Variants in NUBPL observed in about 807,000 individuals in gnomAD.
The protein encoded by NUBPL is iron-sulfur cluster transfer protein NUBPL.
Under a neutral mutation model 45.7 loss-of-function variants are expected in NUBPL, and 31 were observed. The observed-to-expected ratio is 0.68, with a 90% CI of 0.51 to 0.92. The LOEUF (loss-of-function observed/expected upper bound fraction) is 0.92. NUBPL is among the 40% of genes least tolerant of loss of function. NUBPL has a pLI of 0.00. For synonymous variants in NUBPL, 144 were observed against 140.9 expected (o/e 1.02, Z -0.15); for missense variants, 401 against 398.7 (o/e 1.01, Z -0.05).
At chr14:31,744,873 G>C (rs566985246) in intron 6 of NUBPL, among the ~76,000 whole-genome samples, 2 of 151,772 alleles carry the variant, frequency 1.3e-5, no homozygotes, top group African/African-American at 4.8e-5. Context: ...ATCCACCTCA[G>C]CCTCCCAAAA....
chr14:31,661,666 G>C (rs979132449), intron 4 of NUBPL, among the ~76,000 whole-genome samples: 10 of 152,048 alleles, frequency 6.6e-5, no homozygotes, highest in African/African-American at 2.4e-4. Flanking sequence ...CTCACCTCCC[G>C]AGTAGCTGGG....
intron 6 of NUBPL, among the ~76,000 whole-genome samples, chr14:31,748,904 G>A (rs956677502): frequency 2.0e-5 from 3 of 152,082 alleles, no homozygotes; most frequent in Admixed American, 6.6e-5. Context: ...GAGCCACTGC[G>A]CCCCACCCCT....
At chr14:31,690,560 T>C (rs534002315) in intron 6 of NUBPL, among the ~76,000 whole-genome samples, 1 of 152,216 alleles carries the variant, frequency 6.6e-6, no homozygotes, top group South Asian at 2.1e-4. Flanking sequence ...GGATACTCTA[T>C]GGAAAGGATT....
At chr14:31,617,035 A>T (rs8015245) in intron 4 of NUBPL, among the ~76,000 whole-genome samples, 1 of 151,944 alleles carries the variant, frequency 6.6e-6, no homozygotes, top group Non-Finnish European at 1.5e-5. Flanking sequence ...CTTTGTAGCA[A>T]TTGTGAATGG....
chr14:31,793,605 A>G (rs2039422478), intron 7 of NUBPL, among the ~76,000 whole-genome samples: 1 of 152,116 alleles, frequency 6.6e-6, no homozygotes, highest in Middle Eastern at 3.2e-3. Flanking sequence ...GCAGCTACTC[A>G]GGAAATGTTG....
intron 7 of NUBPL, among the ~76,000 whole-genome samples, chr14:31,794,158 C>G (rs1487350468): frequency 5.0e-5 from 1 of 20,024 alleles, no homozygotes; most frequent in African/African-American, 2.6e-4. Flanking sequence ...GGTTCCAAGT[C>G]TTTGCTATTG....
At chr14:31,801,037 C>T (rs796746052) in intron 7 of NUBPL, 1 of 152,140 alleles carries the variant, frequency 6.6e-6, no homozygotes, top group Non-Finnish European at 1.5e-5. Context: ...TTGTTATTGC[C>T]CTTCCACTGG....
Position 31,636,803 on chromosome 14 carries a change from C to T in NUBPL, c.383-36552C>T, listed in dbSNP as rs567877130. On this transcript the variant is annotated intron_variant, in intron 4 of 10. Coordinates refer to ENST00000281081, the MANE Select transcript of NUBPL (RefSeq NM_025152.3). The stretch of plus-strand genomic sequence containing the variant: ...GGTCTATTCAGAGATTCAACTTCTT[C>T]CTGGTTTAGTCTTGGGAGAGTGTAT... 1.6e-4 allele frequency among the ~76,000 whole-genome samples: 25 copies of T among 152,244 alleles called. No individual in the cohort carries two copies. In the East Asian group the frequency reaches 2.1e-3, roughly 13 times the overall value.
chr14:31,823,804 T>C (rs2040055872), intron 7 of NUBPL, among the ~76,000 whole-genome samples: 1 of 152,000 alleles, frequency 6.6e-6, no homozygotes, highest in Non-Finnish European at 1.5e-5. Flanking sequence ...TGACTGGATA[T>C]GAAAAAAACT....
rs145442962 is a variant in NUBPL, at chr14:31,848,731, A to G, written c.815-1388A>G. Among the ~76,000 whole-genome samples the G allele has an allele frequency of 3.2e-3, 485 of 152,228 alleles. 5 individuals are homozygous for G. Among genetic ancestry groups the G allele is most frequent in the African/African-American group, 0.011 (447 of 41,526 alleles). On this transcript the variant is annotated intron_variant, in intron 9 of 10. Coordinates refer to ENST00000281081, the MANE Select transcript of NUBPL (RefSeq NM_025152.3). ...TTACTACGCACCTATTTTTAACAAGATTTTTCCCCTTCTTGGTCTAATCTT... is the reference window on the plus strand; with the variant it reads ...TTACTACGCACCTATTTTTAACAAGGTTTTTCCCCTTCTTGGTCTAATCTT...
chr14:31,625,469 TTTTC>T (rs1379933068), intron 4 of NUBPL, among the ~76,000 whole-genome samples: 1 of 145,840 alleles, frequency 6.9e-6, no homozygotes, highest in Non-Finnish European at 1.5e-5. Context: ...ATTCTATTTC[TTTTC>T]TTTCTTTTTT....
intron 6 of NUBPL, among the ~76,000 whole-genome samples, chr14:31,677,719 C>A (rs1336661152): frequency 6.6e-6 from 1 of 152,204 alleles, no homozygotes; most frequent in Non-Finnish European, 1.5e-5. Context: ...CACAAGCACC[C>A]CTGTGTCCTC....
At chr14:31,666,357 C>T (rs1325839988) in intron 4 of NUBPL, among the ~76,000 whole-genome samples, 13 of 150,996 alleles carry the variant, frequency 8.6e-5, no homozygotes, top group South Asian at 8.4e-4. Context: ...CTCCGCCTCC[C>T]GGGTTCAAAC....
At chr14:31,735,949 A>G (rs544834113) in intron 6 of NUBPL, among the ~76,000 whole-genome samples, 8 of 152,338 alleles carry the variant, frequency 5.3e-5, no homozygotes, top group African/African-American at 1.9e-4. Context: ...ATGCTTCACA[A>G]ACTGCTATGG....
intron 6 of NUBPL, among the ~76,000 whole-genome samples, chr14:31,759,064 G>T (rs1274743736): frequency 6.7e-6 from 1 of 149,690 alleles, no homozygotes; most frequent in Non-Finnish European, 1.5e-5. Flanking sequence ...TCCCACTATC[G>T]ACTTTAAAAA....
intron 4 of NUBPL, among the ~76,000 whole-genome samples, chr14:31,636,486 G>T (rs1424072324): frequency 6.6e-6 from 1 of 152,114 alleles, no homozygotes; most frequent in Non-Finnish European, 1.5e-5. Context: ...TGCTGGATTG[G>T]TTTGCCAGTA....
chr14:31,582,699 A>G (rs1218112985), intron 3 of NUBPL, among the ~76,000 whole-genome samples: 1 of 152,172 alleles, frequency 6.6e-6, no homozygotes, highest in Non-Finnish European at 1.5e-5. Flanking sequence ...TGGTCATACC[A>G]CAGAGCTTGT....
intron 6 of NUBPL, among the ~76,000 whole-genome samples, chr14:31,784,327 T>C (rs559304989): frequency 6.6e-6 from 1 of 152,224 alleles, no homozygotes; most frequent in Non-Finnish European, 1.5e-5. Context: ...TATTTAATAT[T>C]CTATCTTAAG....
At chr14:31,815,949 G>C (rs1244159596) in intron 7 of NUBPL, among the ~76,000 whole-genome samples, 7 of 152,130 alleles carry the variant, frequency 4.6e-5, no homozygotes, top group African/African-American at 1.7e-4. Context: ...GTATTTTATT[G>C]AGGATTTTTG....
Sources: allele counts gnomAD v4.1 joint callset (sites outside exome capture counted in the v4.1 genomes callset), GRCh38; gene constraint gnomAD v4.1.1; transcripts MANE v1.5; gene names NCBI Gene and HGNC (gene_info 2026-07-23, HGNC 2026-07-21).